Variants in NEDD4 observed in about 807,000 individuals in gnomAD.
NEDD4 encodes the protein E3 ubiquitin-protein ligase NEDD4.
Under a neutral mutation model 144.9 loss-of-function variants are expected in NEDD4, and 99 were observed. The ratio of observed to expected loss-of-function variants is 0.68; its 90% confidence interval spans 0.58 to 0.81. The LOEUF (loss-of-function observed/expected upper bound fraction) is 0.81. NEDD4 is among the 30% of genes least tolerant of loss of function. NEDD4 has a pLI of 0.00. For missense variants in NEDD4, 985 were observed against 1,065.9 expected (o/e 0.92, Z 1.06); for synonymous variants, 318 against 350.6 (o/e 0.91, Z 1.04).
chr15:55,902,944 T>C (rs186369179), intron 5 of NEDD4, among the ~76,000 whole-genome samples: 1 of 152,212 alleles, frequency 6.6e-6, no homozygotes, highest in African/African-American at 2.4e-5. Flanking sequence ...GAGGTTGCAG[T>C]GAACCGAGAT....
At chr15:55,906,739 A>G (rs1211830610) in intron 5 of NEDD4, among the ~76,000 whole-genome samples, 1 of 152,192 alleles carries the variant, frequency 6.6e-6, no homozygotes, top group East Asian at 1.9e-4. Context: ...TATGTAACAA[A>G]TCTGCACATT....
intron 5 of NEDD4, among the ~76,000 whole-genome samples, chr15:55,892,446 CA>C (rs777900593): frequency 3.3e-5 from 5 of 151,824 alleles, no homozygotes; most frequent in East Asian, 1.9e-4. Flanking sequence ...GCTGTAATAT[CA>C]AACTTTTTGT....
chr15:55,989,787 G>A (rs1160202529), intron 1 of NEDD4, among the ~76,000 whole-genome samples: 1 of 152,182 alleles, frequency 6.6e-6, no homozygotes, highest in Non-Finnish European at 1.5e-5. Flanking sequence ...AGAGCTGGAA[G>A]AGTAGGTGCT....
At position 55,830,590 on chromosome 15, in the gene NEDD4, TA is replaced by T; in HGVS notation, c.2528-5del. On this transcript the variant is annotated splice_region_variant and splice_polypyrimidine_tract_variant and intron_variant, in intron 27 of 28. Coordinates refer to ENST00000435532, the MANE Select transcript of NEDD4 (RefSeq NM_006154.4). The stretch of plus-strand genomic sequence containing the variant: ...AATGACTGTGGTCCATTTGAACCTA[TA>T]AGGAAGAATTTATTTGGTTTCATTT... The T allele has an allele frequency of 6.2e-7, 1 of 1,613,724 alleles. No homozygotes were observed. Among genetic ancestry groups the T allele is most frequent in the Non-Finnish European group, 8.5e-7 (1 of 1,179,600 alleles).
chr15:55,830,777 G>A (rs2032911726), intron 27 of NEDD4, among the ~76,000 whole-genome samples, 191 bp from the exon 28 acceptor site: 1 of 152,166 alleles, frequency 6.6e-6, no homozygotes, highest in African/African-American at 2.4e-5. Context: ...CAAGCTCACT[G>A]TAGCCTCAAG....
At position 55,827,881 on chromosome 15, in the gene NEDD4, A is replaced by G. The variant is rs961770546; in HGVS notation, c.*2016T>C. 23 of 152,298 alleles carry G rather than the reference A, an allele frequency of 1.5e-4. No homozygotes were observed. Among genetic ancestry groups the G allele is most frequent in the African/African-American group, 4.8e-4 (20 of 41,562 alleles). The allele number at this position is 152,298 out of a possible 1,614,324, so 9.4% of individuals were successfully genotyped here. ...ACAAAGCACCTTCTGATTGTATAAC[A>G]CTTTACAAAGTACTTTTTGCTTTCT... On this transcript the variant is annotated 3_prime_UTR_variant, in exon 29 of 29. Transcript: ENST00000435532.
chr15:55,973,581 C>A (rs1309349273), intron 1 of NEDD4, among the ~76,000 whole-genome samples: 1 of 151,998 alleles, frequency 6.6e-6, no homozygotes, highest in Non-Finnish European at 1.5e-5. Context: ...AAAGTATCTT[C>A]TCTGACTACA....
At chr15:55,964,325 GTCTCTCTCA>G (rs1393530555) in intron 2 of NEDD4, among the ~76,000 whole-genome samples, 3 of 151,784 alleles carry the variant, frequency 2.0e-5, no homozygotes, top group Non-Finnish European at 4.4e-5. Flanking sequence ...TCCAATCTTT[GTCTCTCTCA>G]TCTCTCTCAT....
chr15:55,945,785 A>G (rs1284481772), intron 4 of NEDD4, among the ~76,000 whole-genome samples: 3 of 152,160 alleles, frequency 2.0e-5, no homozygotes, highest in Non-Finnish European at 2.9e-5. Flanking sequence ...CCACTAAGAG[A>G]AACCCATTAG....
rs565286462 is a variant in NEDD4, at chr15:55,926,626, C to A, written c.238-1927G>T. On this transcript the variant is annotated intron_variant, in intron 4 of 28. Transcript: ENST00000435532. ...ACAAAAATAACAAAAATTAGCTGGG[C>A]ATCATGGCACATGCCTATAGTCCCA... Among the ~76,000 whole-genome samples, 3 of 152,226 alleles carry A rather than the reference C, an allele frequency of 2.0e-5. No individual in the cohort carries two copies. In the South Asian group the frequency reaches 6.2e-4, roughly 32 times the overall value.
chr15:55,882,311 C>A (rs571584041), intron 5 of NEDD4, among the ~76,000 whole-genome samples: 1 of 152,174 alleles, frequency 6.6e-6, no homozygotes. Context: ...ACACCCACCC[C>A]CTCCATCCCC....
intron 5 of NEDD4, among the ~76,000 whole-genome samples, chr15:55,880,379 C>T (rs925165706): frequency 5.9e-5 from 9 of 152,200 alleles, no homozygotes; most frequent in Middle Eastern, 3.4e-3. Flanking sequence ...ATCACCGTGA[C>T]ATTTCAGAGC....
rs1352200063 is a variant in NEDD4 at position 55,924,638 on chromosome 15, T to C, written c.291+8A>G. The C allele has an allele frequency of 6.2e-7, 1 of 1,605,550 alleles. No homozygotes were observed. Among genetic ancestry groups the C allele is most frequent in the South Asian group, 1.1e-5 (1 of 89,300 alleles). ...CTTCATATTTCATATAAGCACAATATAACTTACCAATCGGTTTTCGTCAAA... is the reference window on the plus strand; with the variant it reads ...CTTCATATTTCATATAAGCACAATACAACTTACCAATCGGTTTTCGTCAAA... On this transcript the variant is annotated splice_region_variant and intron_variant, in intron 5 of 28. Transcript: ENST00000435532.
At chr15:55,926,000 CATAT>C (rs1328713814) in intron 4 of NEDD4, among the ~76,000 whole-genome samples, 4 of 151,498 alleles carry the variant, frequency 2.6e-5, no homozygotes, top group African/African-American at 9.7e-5. Context: ...GTATCATATA[CATAT>C]ACAGTATGTA....
chr15:55,915,773 TTTC>T (rs776868307), intron 5 of NEDD4: 10 of 1,613,546 alleles, frequency 6.2e-6, no homozygotes, highest in Middle Eastern at 1.6e-4. Flanking sequence ...AAAGAACAAT[TTTC>T]TTCTGTAACG....
rs201551324 is a variant in NEDD4, at chr15:55,829,983, A to T, written c.2617T>A (p.Leu873Met). The T allele has an allele frequency of 6.2e-7, 1 of 1,612,356 alleles. No homozygotes were observed. The highest frequency in any genetic ancestry group is 8.5e-7 in the Non-Finnish European group (1 of 1,179,334). ...TCTTCAAATGATTCATAAGGTGGCAAGTCCAGGCGATTAAAACTGAAAGAA... is the reference window on the plus strand; with the variant it reads ...TCTTCAAATGATTCATAAGGTGGCATGTCCAGGCGATTAAAACTGAAAGAA... ...RAHTCFNRLD[L>M]PPYESFEELW... Residue 873 changes from leucine to methionine, a missense_variant, in exon 29 of 29, where the codon TTG (leucine) becomes ATG (methionine). Transcript: ENST00000435532.
At chr15:55,886,730 C>G (rs1450250972) in intron 5 of NEDD4, among the ~76,000 whole-genome samples, 1 of 149,460 alleles carries the variant, frequency 6.7e-6, no homozygotes, top group East Asian at 2.0e-4. Context: ...TGCACTCCAG[C>G]CTGGACAACA....
intron 1 of NEDD4, among the ~76,000 whole-genome samples, chr15:55,981,239 G>A (rs1311632989): frequency 6.6e-6 from 1 of 151,680 alleles, no homozygotes; most frequent in African/African-American, 2.4e-5. Flanking sequence ...GACATATGTG[G>A]GATTCTCATA....
chr15:55,851,908 C>T (rs1319459633), intron 13 of NEDD4, among the ~76,000 whole-genome samples: 2 of 152,254 alleles, frequency 1.3e-5, no homozygotes, highest in African/African-American at 4.8e-5. Context: ...CTCATTTGTA[C>T]TTGTTTTATA....
Sources: allele counts gnomAD v4.1 joint callset (sites outside exome capture counted in the v4.1 genomes callset), GRCh38; gene constraint gnomAD v4.1.1; transcripts MANE v1.5; gene names NCBI Gene and HGNC (gene_info 2026-07-23, HGNC 2026-07-21).